TNIP3: variants seen among roughly 807,000 people sequenced by gnomAD.
TNIP3 encodes the protein TNFAIP3 interacting protein 3, also known as TNFAIP3-interacting protein 3.
A neutral mutation model predicts 54.1 loss-of-function variants in TNIP3; 34 were observed. That is an observed-to-expected ratio of 0.63 (90% CI 0.48 to 0.84). TNIP3 has a LOEUF of 0.84. Among genes scored for constraint, TNIP3 ranks in the 40% least tolerant of loss-of-function variants. TNIP3 has a pLI of 0.00. For missense variants in TNIP3, 366 were observed against 387.6 expected (o/e 0.94, Z 0.47); for synonymous variants, 134 against 136.8 (o/e 0.98, Z 0.14).
At chr4:121,213,771 C>T (rs138536404) in intron 2 of TNIP3, among the ~76,000 whole-genome samples, 7 of 151,254 alleles carry the variant, frequency 4.6e-5, no homozygotes, top group African/African-American at 1.7e-4. Context: ...ACAATATTAC[C>T]ACAGGAAAGC....
At chr4:121,151,139 C>A (rs1197387194) in intron 5 of TNIP3, among the ~76,000 whole-genome samples, 1 of 152,190 alleles carries the variant, frequency 6.6e-6, no homozygotes, top group East Asian at 1.9e-4. Context: ...TGACAGAACA[C>A]TTCTCATCCT....
intron 2 of TNIP3, among the ~76,000 whole-genome samples, chr4:121,206,218 A>T (rs1361663949): frequency 1.3e-5 from 2 of 152,128 alleles, no homozygotes; most frequent in South Asian, 2.1e-4. Context: ...GTCTTAGGAG[A>T]TTCTTACTTG....
At chr4:121,138,261 C>A (rs1365939150) in intron 10 of TNIP3, among the ~76,000 whole-genome samples, 2 of 152,160 alleles carry the variant, frequency 1.3e-5, no homozygotes, top group African/African-American at 2.4e-5. Context: ...ATCTGTCTAG[C>A]AAACTCAACC....
At chr4:121,203,216 T>TATGG (rs1553936809) in intron 2 of TNIP3, among the ~76,000 whole-genome samples, 1 of 146,964 alleles carries the variant, frequency 6.8e-6, no homozygotes, top group East Asian at 2.0e-4. Flanking sequence ...GAAAATGTGA[T>TATGG]ATAGATAGAT....
intron 1 of TNIP3, among the ~76,000 whole-genome samples, chr4:121,225,328 G>T (rs1046068536): frequency 6.6e-6 from 1 of 152,102 alleles, no homozygotes; most frequent in East Asian, 1.9e-4. Flanking sequence ...TGATGTCTTT[G>T]TTTCAAAACA....
upstream of TNIP3, among the ~76,000 whole-genome samples, chr4:121,220,686 G>A (rs568325784): frequency 3.3e-5 from 5 of 152,146 alleles, no homozygotes; most frequent in South Asian, 6.2e-4. Context: ...CATAAATAGC[G>A]TGGGGGAATA....
At chr4:121,173,699 G>A (rs1724128003) in intron 3 of TNIP3, among the ~76,000 whole-genome samples, 1 of 152,106 alleles carries the variant, frequency 6.6e-6, no homozygotes, top group South Asian at 2.1e-4. Context: ...TGAGAACTTG[G>A]CTCACTGAAA....
upstream of TNIP3, among the ~76,000 whole-genome samples, chr4:121,167,352 A>T (rs1159477837): frequency 6.6e-6 from 1 of 152,198 alleles, no homozygotes; most frequent in Non-Finnish European, 1.5e-5. Context: ...AATTCAGAGG[A>T]GAGAGTGCTC....
chr4:121,217,127 A>C (rs1441698426), upstream of TNIP3, among the ~76,000 whole-genome samples: 1 of 152,228 alleles, frequency 6.6e-6, no homozygotes, highest in East Asian at 1.9e-4. Context: ...AACTGTGGAC[A>C]AATATTATAC....
chr4:121,171,793 C>T (rs995001743), intron 3 of TNIP3, among the ~76,000 whole-genome samples: 6 of 152,080 alleles, frequency 3.9e-5, no homozygotes, highest in South Asian at 2.1e-4. Flanking sequence ...TGCAGTGATG[C>T]GATCTTGGCT....
At chr4:121,223,979 G>T (rs541272913) in intron 1 of TNIP3, among the ~76,000 whole-genome samples, 1 of 152,266 alleles carries the variant, frequency 6.6e-6, no homozygotes, top group South Asian at 2.1e-4. Flanking sequence ...TCAATACAAA[G>T]AACTATGCTG....
intron 3 of TNIP3, among the ~76,000 whole-genome samples, chr4:121,176,253 C>T (rs1445289500): frequency 6.6e-6 from 1 of 152,196 alleles, no homozygotes; most frequent in African/African-American, 2.4e-5. Context: ...TAAGGTGCAG[C>T]GGCTGAGCTG....
At chr4:121,187,427 T>C (rs930215890) in intron 2 of TNIP3, among the ~76,000 whole-genome samples, 16 of 152,212 alleles carry the variant, frequency 1.1e-4, no homozygotes, top group African/African-American at 3.9e-4. Context: ...GCAGTGAGGC[T>C]AGACACCTTC....
At chr4:121,142,857 G>T in intron 7 of TNIP3, 81 bp from the exon 8 acceptor site, 1 of 1,229,698 alleles carries the variant, frequency 8.1e-7, no homozygotes, top group Non-Finnish European at 1.2e-6. Flanking sequence ...CTACTCAAGT[G>T]TCAGGCATTG....
intron 3 of TNIP3, among the ~76,000 whole-genome samples, chr4:121,172,493 G>C (rs1724026765): frequency 6.6e-6 from 1 of 152,304 alleles, no homozygotes. Flanking sequence ...GTGTCAGATG[G>C]GGGATCACTG....
intron 2 of TNIP3, among the ~76,000 whole-genome samples, chr4:121,187,531 C>T (rs1472394360): frequency 6.6e-6 from 1 of 152,172 alleles, no homozygotes; most frequent in Non-Finnish European, 1.5e-5. Context: ...TGACCTCAGC[C>T]ATTGTTAATA....
upstream of TNIP3, among the ~76,000 whole-genome samples, chr4:121,167,371 C>A (rs537119283): frequency 6.6e-6 from 1 of 152,064 alleles, no homozygotes; most frequent in South Asian, 2.1e-4. Context: ...TCATTATCAC[C>A]TTTAATAGCT....
At chr4:121,177,792 G>GTT (rs139742727) in intron 3 of TNIP3, among the ~76,000 whole-genome samples, 11 of 152,110 alleles carry the variant, frequency 7.2e-5, no homozygotes, top group African/African-American at 2.7e-4. Flanking sequence ...TAAATATAGG[G>GTT]TTTCTTTCTG....
intron 2 of TNIP3, among the ~76,000 whole-genome samples, chr4:121,191,032 G>A (rs549280147): frequency 3.3e-5 from 5 of 152,306 alleles, no homozygotes; most frequent in African/African-American, 1.2e-4. Flanking sequence ...GAAGAACATA[G>A]CTTAATAGCA....
Sources: allele counts gnomAD v4.1 joint callset (sites outside exome capture counted in the v4.1 genomes callset), GRCh38; gene constraint gnomAD v4.1.1; transcripts MANE v1.5; gene names NCBI Gene and HGNC (gene_info 2026-07-23, HGNC 2026-07-21).